The following RAD51B variants were observed in gnomAD, a reference collection of about 807,000 sequenced individuals.
The protein encoded by RAD51B is DNA repair protein RAD51 homolog 2.
In RAD51B, 38 loss-of-function variants were observed where a neutral mutation model predicts 42.2. The ratio of observed to expected loss-of-function variants is 0.90; its 90% CI spans 0.70 to 1.18. The LOEUF is 1.18. Ranked by LOEUF, RAD51B falls within the 50% of genes most tolerant of loss-of-function variation. The probability of loss-of-function intolerance (pLI) is 0.00; values close to 1 mark genes in which losing one functional copy is unlikely to be tolerated. For synonymous variants in RAD51B, 154 were observed against 145.2 expected, an observed-to-expected ratio of 1.06 and a Z score of -0.43; for missense variants, 373 against 400.7, an observed-to-expected ratio of 0.93 and a Z score of 0.59.
intron 7 of RAD51B, among the ~76,000 whole-genome samples, chr14:68,051,755 T>A (rs1249743463): frequency 6.6e-6 from 1 of 152,070 alleles, no homozygotes; most frequent in Non-Finnish European, 1.5e-5. Context: ...CACATGACCA[T>A]GCCTGGCTAA....
At chr14:68,610,539 G>C (rs975239670) in intron 10 of RAD51B, among the ~76,000 whole-genome samples, 2 of 152,168 alleles carry the variant, frequency 1.3e-5, no homozygotes, top group Admixed American at 6.5e-5. Context: ...GCCGCCACTT[G>C]TCACTCAGCA....
At chr14:67,893,354 A>T (rs1312449609) in intron 7 of RAD51B, among the ~76,000 whole-genome samples, 1 of 151,856 alleles carries the variant, frequency 6.6e-6, no homozygotes. Flanking sequence ...GTGCTGGATC[A>T]CACCTGAAAT....
At chr14:67,885,597 A>G in intron 5 of RAD51B, 1 of 217,220 alleles carries the variant, frequency 4.6e-6, no homozygotes, top group Non-Finnish European at 9.0e-6. Flanking sequence ...AACATATTTA[A>G]TCCCAGAAAG....
intron 10 of RAD51B, among the ~76,000 whole-genome samples, chr14:68,495,445 A>G (rs369514665): frequency 1.3e-5 from 2 of 152,106 alleles, no homozygotes; most frequent in African/African-American, 4.8e-5. Context: ...GATGGCAGAG[A>G]GCTCTTGTTT....
At chr14:68,273,606 T>C (rs553078143) in intron 7 of RAD51B, among the ~76,000 whole-genome samples, 111 of 152,352 alleles carry the variant, frequency 7.3e-4, no homozygotes, top group African/African-American at 2.6e-3. Context: ...AGTGCAGATC[T>C]ATCTGTCAGG....
chr14:68,083,131 C>T (rs1460031271), intron 7 of RAD51B, among the ~76,000 whole-genome samples: 6 of 152,068 alleles, frequency 3.9e-5, no homozygotes, highest in Non-Finnish European at 5.9e-5. Flanking sequence ...ATTCAAATAG[C>T]GTTCATGAAA....
intron 7 of RAD51B, among the ~76,000 whole-genome samples, chr14:68,246,674 G>A (rs2080506099): frequency 1.3e-5 from 2 of 152,138 alleles, no homozygotes; most frequent in South Asian, 4.1e-4. Context: ...GAAAACTCCA[G>A]GCTGTTTTTT....
intron 7 of RAD51B, among the ~76,000 whole-genome samples, chr14:68,162,784 C>CA (rs1229361148): frequency 6.6e-6 from 1 of 151,864 alleles, no homozygotes; most frequent in Admixed American, 6.6e-5. Flanking sequence ...GAATCCGTCT[C>CA]AAAAAACAAA....
At chr14:68,399,511 C>A (rs1436933658) in intron 8 of RAD51B, among the ~76,000 whole-genome samples, 1 of 152,188 alleles carries the variant, frequency 6.6e-6, no homozygotes, top group East Asian at 1.9e-4. Flanking sequence ...CCCGCCTTGG[C>A]CTCCCAAAGT....
At chr14:68,384,272 C>T (rs190862689) in intron 8 of RAD51B, among the ~76,000 whole-genome samples, 16 of 152,084 alleles carry the variant, frequency 1.1e-4, no homozygotes, top group South Asian at 4.1e-4. Context: ...TATTTTCTTC[C>T]GGAAAATCTT....
At chr14:68,363,707 G>A (rs1199451751) in intron 8 of RAD51B, among the ~76,000 whole-genome samples, 1 of 152,240 alleles carries the variant, frequency 6.6e-6, no homozygotes, top group Non-Finnish European at 1.5e-5. Flanking sequence ...TACATGCGAT[G>A]CTGTAACACA....
At chr14:67,906,471 T>C (rs1401627868) in intron 7 of RAD51B, among the ~76,000 whole-genome samples, 2 of 152,090 alleles carry the variant, frequency 1.3e-5, no homozygotes, top group African/African-American at 4.8e-5. Context: ...AGGATTGGTA[T>C]CAGCTTATTT....
chr14:68,067,466 A>G (rs1018818802), intron 7 of RAD51B, among the ~76,000 whole-genome samples: 4 of 86,654 alleles, frequency 4.6e-5, no homozygotes, highest in Non-Finnish European at 6.5e-5. Context: ...TCCATCTCGG[A>G]AAAAAAAAAA....
chr14:67,956,544 AGAT>A (rs1462309022), intron 7 of RAD51B, among the ~76,000 whole-genome samples: 1 of 152,192 alleles, frequency 6.6e-6, no homozygotes, highest in Non-Finnish European at 1.5e-5. Context: ...ACTATCTATA[AGAT>A]GATGATGAGC....
At chr14:68,540,808 G>T (rs1887923014) in intron 10 of RAD51B, 1 of 985,404 alleles carries the variant, frequency 1.0e-6, no homozygotes, top group Non-Finnish European at 1.2e-6. Context: ...AAAGAGCAAA[G>T]AATGGAATTG....
chr14:68,202,660 G>A (rs1009822216), intron 7 of RAD51B, among the ~76,000 whole-genome samples: 4 of 134,942 alleles, frequency 3.0e-5, no homozygotes, highest in Admixed American at 8.7e-5. Context: ...TTGGTTCACC[G>A]CAGCCTCTGC....
At chr14:68,338,794 A>G (rs2082510779) in intron 8 of RAD51B, 1 of 565,086 alleles carries the variant, frequency 1.8e-6, no homozygotes, top group South Asian at 1.5e-5. Flanking sequence ...TGAGCTACAG[A>G]CTTGAGACCC....
intron 4 of RAD51B, among the ~76,000 whole-genome samples, chr14:67,855,262 G>A (rs945206581): frequency 9.9e-5 from 15 of 151,332 alleles, no homozygotes; most frequent in Admixed American, 9.9e-4. Flanking sequence ...ACAGAGTCTT[G>A]CTCTGTTGCA....
chr14:68,650,683 G>C, intron 10 of RAD51B: 1 of 656,182 alleles, frequency 1.5e-6, no homozygotes, highest in East Asian at 2.7e-5. Flanking sequence ...TTCTCAGAGG[G>C]CTGGATGGCC....
Sources: allele counts gnomAD v4.1 joint callset (sites outside exome capture counted in the v4.1 genomes callset), GRCh38; gene constraint gnomAD v4.1.1; transcripts MANE v1.5; gene names NCBI Gene and HGNC (gene_info 2026-07-23, HGNC 2026-07-21).